Variants in CPNE9 observed in about 807,000 individuals in gnomAD.
CPNE9 encodes the protein copine family member 9.
CPNE9 carries 59 observed loss-of-function variants against 83.0 expected under a neutral mutation model. The ratio of observed to expected loss-of-function variants is 0.71; its 90% confidence interval spans 0.58 to 0.88. The LOEUF (loss-of-function observed/expected upper bound fraction) is 0.88. Among genes scored for constraint, CPNE9 ranks in the 40% least tolerant of loss-of-function variants. The pLI is 0.00. For missense variants in CPNE9, 619 were observed against 720.8 expected, an observed-to-expected ratio of 0.86 and a Z score of 1.62; for synonymous variants, 256 against 273.4, an observed-to-expected ratio of 0.94 and a Z score of 0.63.
intron 18 of CPNE9, among the ~76,000 whole-genome samples, 167 bp from the exon 19 acceptor site, chr3:9,726,498 G>C (rs1229996405): frequency 6.6e-6 from 1 of 152,128 alleles, no homozygotes; most frequent in Non-Finnish European, 1.5e-5. Context: ...AAGGCTGCTT[G>C]ATATAGAAAC....
At chr3:9,729,191 G>C (rs1479471913) in intron 20 of CPNE9, among the ~76,000 whole-genome samples, 3 of 152,158 alleles carry the variant, frequency 2.0e-5, no homozygotes, top group Admixed American at 2.0e-4. Context: ...AAGCTAAAGA[G>C]AAGTCAAGCA....
Position 9,704,029 on chromosome 3 carries a change from CCCGG to C in CPNE9, c.36_39del (p.Ala13ProfsTer13), listed in dbSNP as rs762213434. On this transcript the variant is annotated frameshift_variant, in exon 1 of 21. Transcript: ENST00000383832. LOFTEE classifies it high-confidence loss of function. This position sits in a 1 kb window ranked among gnomAD's most constrained non-coding sequence, Gnocchi z 7.1. ...TCGGCGGAGCCTCCGAGCGCAGCGT[CCCGG>C]CCACCAAGATTGAAATTACCGTGTC... The C allele has an allele frequency of 1.2e-6, 2 of 1,608,686 alleles. No individual in the cohort carries two copies. Among genetic ancestry groups the C allele is most frequent in the Non-Finnish European group, 8.5e-7 (1 of 1,178,708 alleles).
At position 9,704,980 on chromosome 3, in the gene CPNE9, T is replaced by A; in HGVS notation, c.246T>A (p.Asn82Lys). 2 of 1,611,298 alleles carry A rather than the reference T, an allele frequency of 1.2e-6. No individual in the cohort carries two copies. Among genetic ancestry groups the A allele is most frequent in the South Asian group, 2.2e-5 (2 of 90,628 alleles). Residue 82 changes from asparagine (N) to lysine (K), a missense_variant, in exon 4 of 21, where the codon AAT (asparagine) becomes AAA (lysine). This residue lies in a region of CPNE9 where 130 missense variants were observed against 117.5 expected (regional missense o/e 1.11). Coordinates refer to ENST00000383832, the MANE Select transcript of CPNE9 (RefSeq NM_153635.3). This position sits in a 1 kb window ranked among gnomAD's most constrained non-coding sequence, Gnocchi z 7.1. Reference sequence around the variant, plus strand: ...ACTATTTCTTTGAGGAAAAGCAAAATCTGCGCTTCGATGTGTGAGGCCCCG... The same window carrying A: ...ACTATTTCTTTGAGGAAAAGCAAAAACTGCGCTTCGATGTGTGAGGCCCCG... ...VLDYFFEEKQNLRFDVYNVDS... is the reference protein window; with the variant it reads ...VLDYFFEEKQKLRFDVYNVDS...
chr3:9,724,914 G>A lies in CPNE9; in HGVS notation c.1242-1035G>A, dbSNP rs757911443. 8.5e-5 allele frequency among the ~76,000 whole-genome samples: 13 copies of A among 152,068 alleles called. No homozygotes were observed. The East Asian group carries it at 1.2e-3, about 14-fold the overall frequency. On this transcript the variant is annotated intron_variant, in intron 17 of 20. Transcript: ENST00000383832. ...TGGGATTACAGGCACCCACCACCACGCCTGGCTAGTTTTTGTATTTTTCAT... is the reference window on the plus strand; with the variant it reads ...TGGGATTACAGGCACCCACCACCACACCTGGCTAGTTTTTGTATTTTTCAT...
chr3:9,714,992 G>A lies in CPNE9; in HGVS notation c.692+37G>A, dbSNP rs374405931. 1.1e-5 allele frequency: 18 copies of A among 1,588,460 alleles called. 1 individual carries two copies. The Admixed American group carries it at 3.1e-4, about 27-fold the overall frequency. On this transcript the variant is annotated intron_variant, in intron 11 of 20. Transcript: ENST00000383832. ...CCACATGGTCCCTTCTCCTGTACTT[G>A]ACCCAAGCAGTTCTCAATAATATGT...
intron 4 of CPNE9, among the ~76,000 whole-genome samples, chr3:9,705,261 C>T (rs2076550371): frequency 6.6e-6 from 1 of 152,158 alleles, no homozygotes; most frequent in Admixed American, 6.5e-5. Flanking sequence ...CCCCCAGCAG[C>T]CCCTGACTTG....
intron 7 of CPNE9, among the ~76,000 whole-genome samples, chr3:9,710,446 G>C (rs2076615390): frequency 6.6e-6 from 1 of 152,214 alleles, no homozygotes. Flanking sequence ...AGGAAACAAG[G>C]TCATTGGCTG....
At chr3:9,713,934 G>C (rs369406771) in intron 10 of CPNE9, among the ~76,000 whole-genome samples, 1 of 152,146 alleles carries the variant, frequency 6.6e-6, no homozygotes, top group South Asian at 2.1e-4. Flanking sequence ...TTAGCCGGGC[G>C]TGGTGGTGGG....
chr3:9,729,407 G>A (rs1336481944), intron 20 of CPNE9, 100 bp from the exon 21 acceptor site: 1 of 1,463,814 alleles, frequency 6.8e-7, no homozygotes, highest in East Asian at 2.4e-5. Context: ...TGTGATAGTT[G>A]GAAAGAGATG....
chr3:9,720,599 T>A (rs969295614), intron 17 of CPNE9, among the ~76,000 whole-genome samples: 1 of 152,254 alleles, frequency 6.6e-6, no homozygotes, highest in African/African-American at 2.4e-5. Context: ...ATACTGCCCA[T>A]GGAATGTGGA....
At chr3:9,728,434 A>C (rs2076802089) in intron 20 of CPNE9, among the ~76,000 whole-genome samples, 1 of 151,990 alleles carries the variant, frequency 6.6e-6, no homozygotes, top group Admixed American at 6.6e-5. Flanking sequence ...AACCAGCCTG[A>C]CCAACATGGA....
At chr3:9,712,651 G>A (rs372168341) in intron 8 of CPNE9, 47 bp downstream of exon 8, 63 of 1,607,538 alleles carry the variant, frequency 3.9e-5, no homozygotes, top group Non-Finnish European at 4.9e-5. Flanking sequence ...TTCTCTCCCC[G>A]TAAACCCTTT....
At chr3:9,721,455 T>C (rs2076733070) in intron 17 of CPNE9, among the ~76,000 whole-genome samples, 1 of 152,228 alleles carries the variant, frequency 6.6e-6, no homozygotes, top group Non-Finnish European at 1.5e-5. Context: ...TATGTACTTA[T>C]AGTCATCTAG....
intron 20 of CPNE9, among the ~76,000 whole-genome samples, chr3:9,729,250 G>A (rs2076809111): frequency 6.6e-6 from 1 of 152,162 alleles, no homozygotes; most frequent in South Asian, 2.1e-4. Context: ...AGCAACACAG[G>A]GCCACTGACG....
In CPNE9 at chr3:9,712,766, GA is replaced by G; in HGVS notation, c.485del (p.Lys162ArgfsTer31). On this transcript the variant is annotated frameshift_variant, in exon 9 of 21. Coordinates refer to ENST00000383832, the MANE Select transcript of CPNE9 (RefSeq NM_153635.3). LOFTEE classifies it high-confidence loss of function. ...AGCTGTGTGCAAACAAGCTGGACAA[GA>G]AGGACTTCTTTGGGAAATCAGACCC... is the stretch of plus-strand genomic sequence containing the variant. ...MQLCANKLDK[K>X]DFFGKSDPFL... The G allele has an allele frequency of 6.2e-7, 1 of 1,614,172 alleles. No homozygotes were observed. The highest frequency in any genetic ancestry group is 8.5e-7 in the Non-Finnish European group (1 of 1,180,028).
chr3:9,712,430 C>A, intron 7 of CPNE9, 111 bp from the exon 8 acceptor site: 1 of 845,384 alleles, frequency 1.2e-6, no homozygotes, highest in Non-Finnish European at 2.1e-6. Context: ...ACACAAGGGA[C>A]TGTCAGTAAA....
At chr3:9,725,722 ATG>A (rs1559646332) in intron 17 of CPNE9, among the ~76,000 whole-genome samples, 1 of 145,656 alleles carries the variant, frequency 6.9e-6, no homozygotes, top group African/African-American at 2.5e-5. Context: ...ATATGTGTAT[ATG>A]TATATATTTC....
intron 6 of CPNE9, 29 bp from the exon 7 acceptor site, chr3:9,705,958 T>C: frequency 1.9e-6 from 3 of 1,609,418 alleles, no homozygotes; most frequent in South Asian, 1.1e-5. Flanking sequence ...CAAGAGCTTC[T>C]GGTCTTGCTG....
At position 9,704,004 on chromosome 3, in the gene CPNE9, T is replaced by G. The variant is rs1240112455; in HGVS notation, c.8T>G (p.Leu3Arg). MS[L>R]GGASERSVPA... ...CTGGTCGCCCGACCAGCCATGTCTC[T>G]CGGCGGAGCCTCCGAGCGCAGCGTC... The change falls in exon 1 of 21, where the codon CTC becomes CGC. Residue 3 changes from leucine to arginine, a missense_variant. Physicochemically the swap from Leu to Arg is moderately radical, Grantham distance 102. Around this residue, in one of 3 missense-constraint regions of CPNE9, gnomAD observed 130 missense variants for 117.5 expected, o/e 1.11. Coordinates refer to ENST00000383832, the MANE Select transcript of CPNE9 (RefSeq NM_153635.3). The surrounding 1 kb of genome is among the most constrained non-coding windows in gnomAD (Gnocchi z 7.1). 1 of 1,605,980 alleles carries G rather than the reference T, an allele frequency of 6.2e-7. No homozygotes were observed. Among genetic ancestry groups the G allele is most frequent in the South Asian group, 1.1e-5 (1 of 90,000 alleles).
Sources: gnomAD v4.1 joint callset for allele counts (sites outside exome capture counted in the v4.1 genomes callset) on GRCh38, gnomAD v4.1.1 for gene constraint, gnomAD v4.1.1 regional missense constraint, Gnocchi (gnomAD v3.1) non-coding constraint, MANE v1.5 for transcripts, NCBI Gene and HGNC (gene_info 2026-07-23, HGNC 2026-07-21) for gene names.